The following CMTR2 variants were observed in gnomAD, a reference collection of about 807,000 sequenced individuals.
The protein encoded by CMTR2 is cap-specific mRNA (nucleoside-2'-O-)-methyltransferase 2.
Under a neutral mutation model 49.8 loss-of-function variants are expected in CMTR2, and 40 were observed. The ratio of observed to expected loss-of-function variants is 0.80; its 90% CI spans 0.62 to 1.04. CMTR2 has a LOEUF of 1.04. Ranked by LOEUF, CMTR2 falls within the 50% of genes least tolerant of loss-of-function variation. The probability of loss-of-function intolerance (pLI) is 0.00; values close to 1 mark genes in which losing one functional copy is unlikely to be tolerated. For synonymous variants in CMTR2, 326 were observed against 315.8 expected, an observed-to-expected ratio of 1.03 and a Z score of -0.34; for missense variants, 907 against 897.2, an observed-to-expected ratio of 1.01 and a Z score of -0.14.
At position 71,283,719 on chromosome 16, in the gene CMTR2, G is replaced by T. The variant is rs761904935; in HGVS notation, c.2202C>A (p.Ala734=). The T allele has an allele frequency of 1.9e-6, 3 of 1,613,836 alleles. No individual in the cohort carries two copies. The highest frequency in any genetic ancestry group is 3.3e-5 in the Admixed American group (2 of 59,958). ...FVPMEVLLKG[A]LLDFLWDLNA... Reference sequence around the variant, plus strand: ...TCAAATCCCACAAAAAATCAAGCAGGGCCCCCTTAAGGAGTACCTCCATTG... The same window carrying T: ...TCAAATCCCACAAAAAATCAAGCAGTGCCCCCTTAAGGAGTACCTCCATTG... Residue 734 remains alanine (A), a synonymous_variant, in exon 3 of 3, where the codon GCC becomes GCA. Transcript: ENST00000434935.
Position 71,282,295 on chromosome 16 carries a change from C to A in CMTR2, c.*1313G>T, listed in dbSNP as rs908600431. On this transcript the variant is annotated 3_prime_UTR_variant, in exon 3 of 3. Transcript: ENST00000434935. ...TAATTCCATTTAAAAAAGATGAACA[C>A]AAAATCTCTCTAGTAATGACTTTAT... 2.0e-5 allele frequency: 3 copies of A among 151,908 alleles called. No individual in the cohort carries two copies. The highest frequency in any genetic ancestry group is 2.9e-5 in the Non-Finnish European group (2 of 67,880). 9.4% of individuals were successfully genotyped at this position (151,908 alleles called of 1,614,324 possible).
chr16:71,284,008 T>C lies in CMTR2; in HGVS notation c.1913A>G (p.His638Arg), dbSNP rs749008810. 3 of 1,613,938 alleles carry C rather than the reference T, an allele frequency of 1.9e-6. No individual in the cohort carries two copies. The highest frequency in any genetic ancestry group is 2.5e-6 in the Non-Finnish European group (3 of 1,179,840). Reference protein sequence around the residue: ...DCLLHSLRELHTGDVMILPVL... With the variant: ...DCLLHSLRELRTGDVMILPVL... ...AGGCAAAATCATAACATCTCCTGTA[T>C]GAAGCTCCCGCAATGAATGTAGAAG... Residue 638 changes from histidine (H) to arginine (R), a missense_variant, in exon 3 of 3, where the codon CAT becomes CGT. By Grantham distance (29) the His-to-Arg change is conservative (BLOSUM62 0). Transcript: ENST00000434935.
chr16:71,286,974 G>A (rs930903075), intron 2 of CMTR2: 5 of 152,132 alleles, frequency 3.3e-5, no homozygotes, highest in African/African-American at 1.2e-4. Context: ...AAAAGGATAT[G>A]AGAAGTATGG....
rs2041645726 is a variant in CMTR2, at chr16:71,283,452, T to G, written c.*156A>C. On this transcript the variant is annotated 3_prime_UTR_variant, in exon 3 of 3. Transcript: ENST00000434935. ...CCTGTGGGTGTATATACCCTAGAGATCAGAATGGATGGTTTTCCAGAATTA... is the reference window on the plus strand; with the variant it reads ...CCTGTGGGTGTATATACCCTAGAGAGCAGAATGGATGGTTTTCCAGAATTA... 1.2e-6 allele frequency: 1 copy of G among 855,604 alleles called. No individual in the cohort carries two copies. The highest frequency in any genetic ancestry group is 1.8e-6 in the Non-Finnish European group (1 of 562,848). 53.0% of individuals were successfully genotyped at this position (855,604 alleles called of 1,614,324 possible). A position where few individuals can be genotyped will look rare whatever the true frequency, so the allele number is the denominator to read the frequency against.
Position 71,283,474 on chromosome 16 carries a change from ATT to A in CMTR2, c.*132_*133del, listed in dbSNP as rs2041646364. ...AGATCAGAATGGATGGTTTTCCAGA[ATT>A]AATGAGACTTTGAATGATGCAAATG... is the stretch of plus-strand genomic sequence containing the variant. On this transcript the variant is annotated 3_prime_UTR_variant, in exon 3 of 3. Transcript: ENST00000434935. 9.2e-7 allele frequency: 1 copy of A among 1,090,394 alleles called. No individual in the cohort carries two copies. Among genetic ancestry groups the A allele is most frequent in the South Asian group, 1.7e-5 (1 of 58,408 alleles). 67.5% of individuals were successfully genotyped at this position (1,090,394 alleles called of 1,614,324 possible).
Position 71,283,888 on chromosome 16 carries a change from T to A in CMTR2, c.2033A>T (p.Asp678Val). 6.2e-7 allele frequency: 1 copy of A among 1,613,016 alleles called. No individual in the cohort carries two copies. The highest frequency in any genetic ancestry group is 8.5e-7 in the Non-Finnish European group (1 of 1,179,074). Residue 678 changes from aspartate (D) to valine (V), a missense_variant, in exon 3 of 3, where the codon GAT becomes GTT. Asp to Val is a radical substitution (Grantham distance 152, BLOSUM62 -3). Coordinates refer to ENST00000434935, the MANE Select transcript of CMTR2 (RefSeq NM_018348.6). ...CAGGACTGCGCAGGTCCTCAGGGGA[T>A]CAGAGGATGTGGGACAAACAAAAGT... Reference protein sequence around the residue: ...FITFVCPTSSDPLRTCAVLLC... With the variant: ...FITFVCPTSSVPLRTCAVLLC...
intron 1 of CMTR2, 97 bp from the exon 2 acceptor site, chr16:71,289,034 C>T (rs1261098713): frequency 6.6e-6 from 1 of 152,312 alleles, no homozygotes; most frequent in African/African-American, 2.4e-5. Flanking sequence ...AACCCCACTC[C>T]AGAGGCCCGG....
Position 71,284,774 on chromosome 16 carries a change from CAAATAGACGAA to C in CMTR2, c.1136_1146del (p.Ile379ArgfsTer13). The C allele has an allele frequency of 6.2e-7, 1 of 1,613,764 alleles. No individual in the cohort carries two copies. ...TCTTGTTCCGCCTTTCCCATGCACT[CAAATAGACGAA>C]TGTTTTCAGAAATAGTCTCTAGCTG... On this transcript the variant is annotated frameshift_variant, in exon 3 of 3. Transcript: ENST00000434935. LOFTEE classifies it high-confidence loss of function.
chr16:71,287,206 T>C (rs891496149), intron 2 of CMTR2: 1 of 152,172 alleles, frequency 6.6e-6, no homozygotes, highest in African/African-American at 2.4e-5. Flanking sequence ...AAAGCAGATG[T>C]TCAAGGACAA....
At position 71,282,420 on chromosome 16, in the gene CMTR2, T is replaced by A. The variant is rs2041625724; in HGVS notation, c.*1188A>T. ...ATCAGAAAATACATCTATTTTCACA[T>A]ATCAAAAGTGCCTAAAATGCATGTG... is the stretch of plus-strand genomic sequence containing the variant. On this transcript the variant is annotated 3_prime_UTR_variant, in exon 3 of 3. Coordinates refer to ENST00000434935, the MANE Select transcript of CMTR2 (RefSeq NM_018348.6). 1 of 152,096 alleles carries A rather than the reference T, an allele frequency of 6.6e-6. No homozygotes were observed. Among genetic ancestry groups the A allele is most frequent in the African/African-American group, 2.4e-5 (1 of 41,448 alleles). The allele number at this position is 152,096 out of a possible 1,614,324, so 9.4% of individuals were successfully genotyped here. A position where few individuals can be genotyped will look rare whatever the true frequency, so the allele number is the denominator to read the frequency against.
In CMTR2 at chr16:71,285,431, G is replaced by A. The variant is rs1265213368; in HGVS notation, c.490C>T (p.Pro164Ser). Residue 164 changes from proline to serine, a missense_variant, in exon 3 of 3, where the codon CCT (proline) becomes TCT (serine). Transcript: ENST00000434935. Reference protein sequence around the residue: ...LNHYLKSHRFPCHWSWVANTL... With the variant: ...LNHYLKSHRFSCHWSWVANTL... ...TTCGCTACCCAACTCCAATGACAAG[G>A]AAACCGATGGGATTTTAAGTAGTGG... The A allele has an allele frequency of 6.2e-7, 1 of 1,614,132 alleles. No homozygotes were observed. The highest frequency in any genetic ancestry group is 1.1e-5 in the South Asian group (1 of 91,080).
chr16:71,288,486 C>A (rs2041769201), intron 2 of CMTR2: 1 of 152,102 alleles, frequency 6.6e-6, no homozygotes, highest in South Asian at 2.1e-4. Context: ...TAGACCATTC[C>A]AAGAAGTTGG....
In CMTR2 at chr16:71,283,446, T is replaced by G; in HGVS notation, c.*162A>C. 8.8e-6 allele frequency: 7 copies of G among 796,134 alleles called. No homozygotes were observed. The highest frequency in any genetic ancestry group is 1.2e-5 in the Non-Finnish European group (6 of 509,450). The allele number at this position is 796,134 out of a possible 1,614,324, so 49.3% of individuals were successfully genotyped here. ...TCTATGCCTGTGGGTGTATATACCC[T>G]AGAGATCAGAATGGATGGTTTTCCA... is the stretch of plus-strand genomic sequence containing the variant. On this transcript the variant is annotated 3_prime_UTR_variant, in exon 3 of 3. Transcript: ENST00000434935.
Position 71,284,013 on chromosome 16 carries a change from C to T in CMTR2, c.1908G>A (p.Glu636=), listed in dbSNP as rs902348543. ...FLDCLLHSLR[E]LHTGDVMILP... ...AAATCATAACATCTCCTGTATGAAG[C>T]TCCCGCAATGAATGTAGAAGGCAGT... The change falls in exon 3 of 3, where the codon GAG becomes GAA. Residue 636 remains glutamate, a synonymous_variant. Transcript: ENST00000434935. The T allele has an allele frequency of 1.2e-6, 2 of 1,613,886 alleles. No homozygotes were observed. The highest frequency in any genetic ancestry group is 1.3e-5 in the African/African-American group (1 of 75,038).
At chr16:71,288,175 C>T (rs1362521065) in intron 2 of CMTR2, 1 of 152,200 alleles carries the variant, frequency 6.6e-6, no homozygotes, top group Non-Finnish European at 1.5e-5. Context: ...CAAGCACATT[C>T]CAAGACAAAA....
Position 71,284,140 on chromosome 16 carries a change from T to C in CMTR2, c.1781A>G (p.His594Arg). Residue 594 changes from histidine (H) to arginine (R), a missense_variant, in exon 3 of 3, where the codon CAT becomes CGT. Transcript: ENST00000434935. ...GFSTLRNIKM[H>R]IPLEVRLLES... ...TAGGAGTCGAACTTCCAACGGTATA[T>C]GCATTTTGATATTACGGAGAGTCGA... The C allele has an allele frequency of 6.2e-7, 1 of 1,614,044 alleles. No homozygotes were observed. Among genetic ancestry groups the C allele is most frequent in the Non-Finnish European group, 8.5e-7 (1 of 1,179,930 alleles).
Position 71,284,828 on chromosome 16 carries a change from C to T in CMTR2, c.1093G>A (p.Val365Met). The T allele has an allele frequency of 1.2e-6, 2 of 1,613,884 alleles. No homozygotes were observed. The highest frequency in any genetic ancestry group is 8.5e-7 in the Non-Finnish European group (1 of 1,179,960). Reference protein sequence around the residue: ...SFLKRHEECCVFFHKYQLETI... With the variant: ...SFLKRHEECCMFFHKYQLETI... ...TCTAGCTGATATTTATGAAAGAACA[C>T]ACAACATTCTTCATGTCTCTTAAGA... The change falls in exon 3 of 3, where the codon GTG becomes ATG. Residue 365 changes from valine (V) to methionine (M), a missense_variant. Transcript: ENST00000434935.
Position 71,283,822 on chromosome 16 carries a change from C to T in CMTR2, c.2099G>A (p.Arg700Gln), listed in dbSNP as rs761807488. Reference sequence around the variant, plus strand: ...CAATTCATTCACACTCTGCAAATATCGGAAAACTGGATTTGGAAGGTCCTG... The same window carrying T: ...CAATTCATTCACACTCTGCAAATATTGGAAAACTGGATTTGGAAGGTCCTG... Reference protein sequence around the residue: ...GYQDLPNPVFRYLQSVNELLS... With the variant: ...GYQDLPNPVFQYLQSVNELLS... The change falls in exon 3 of 3, where the codon CGA becomes CAA. Residue 700 changes from arginine (R) to glutamine (Q), a missense_variant. Physicochemically the swap from Arg to Gln is conservative, Grantham distance 43. Transcript: ENST00000434935. The T allele has an allele frequency of 6.2e-6, 10 of 1,613,876 alleles. No homozygotes were observed. Among genetic ancestry groups the T allele is most frequent in the East Asian group, 2.2e-5 (1 of 44,870 alleles).
In CMTR2 at chr16:71,282,680, A is replaced by C. The variant is rs755736988; in HGVS notation, c.*928T>G. 2 of 152,164 alleles carry C rather than the reference A, an allele frequency of 1.3e-5. No individual in the cohort carries two copies. The highest frequency in any genetic ancestry group is 6.5e-5 in the Admixed American group (1 of 15,278). 9.4% of individuals were successfully genotyped at this position (152,164 alleles called of 1,614,324 possible). On this transcript the variant is annotated 3_prime_UTR_variant, in exon 3 of 3. Coordinates refer to ENST00000434935, the MANE Select transcript of CMTR2 (RefSeq NM_018348.6). Reference sequence around the variant, plus strand: ...AAATTAGAAAAGATTAAAAATTTTAAATTCTGAACCATCATTCTGAAAGTC... The same window carrying C: ...AAATTAGAAAAGATTAAAAATTTTACATTCTGAACCATCATTCTGAAAGTC...
Sources: allele counts gnomAD v4.1 joint callset, GRCh38; gene constraint gnomAD v4.1.1; transcripts MANE v1.5; gene names NCBI Gene and HGNC (gene_info 2026-07-23, HGNC 2026-07-21).